The following AGAP1 variants were observed in gnomAD, a reference collection of about 807,000 sequenced individuals.
AGAP1 encodes the protein arf-GAP with GTPase, ANK repeat and PH domain-containing protein 1.
A neutral mutation model predicts 105.3 loss-of-function variants in AGAP1; 29 were observed. The ratio of observed to expected loss-of-function variants is 0.28; its 90% confidence interval spans 0.21 to 0.38. The LOEUF (loss-of-function observed/expected upper bound fraction) is 0.38. AGAP1 is among the 10% of genes least tolerant of loss of function. AGAP1 has a pLI of 1.00. For missense variants in AGAP1, 998 were observed against 1,165.1 expected (o/e 0.86, Z 2.09); for synonymous variants, 509 against 485.9 (o/e 1.05, Z -0.63).
chr2:235,786,033 A>G (rs968479235), intron 6 of AGAP1, among the ~76,000 whole-genome samples: 1 of 152,196 alleles, frequency 6.6e-6, no homozygotes, highest in African/African-American at 2.4e-5. Context: ...TGGCAGAAAC[A>G]TTTCTGCTCC....
intron 16 of AGAP1, among the ~76,000 whole-genome samples, chr2:236,093,136 C>T (rs572173335): frequency 1.3e-5 from 2 of 152,186 alleles, no homozygotes; most frequent in Non-Finnish European, 2.9e-5. Flanking sequence ...ATCTCTATCC[C>T]GCAACCAAAA....
Position 235,656,705 on chromosome 2 carries a change from C to T in AGAP1, c.164-52474C>T, listed in dbSNP as rs1244848644. ...GATAAGAACCCCTTCCCTCCCTTGT[C>T]CAAGTGTGCGCTCACCATTGCTCCA... On this transcript the variant is annotated intron_variant, in intron 1 of 17. Transcript: ENST00000304032. Among the ~76,000 whole-genome samples the T allele has an allele frequency of 4.6e-5, 7 of 152,208 alleles. No individual in the cohort carries two copies. The East Asian group carries it at 1.3e-3, about 29-fold the overall frequency.
rs983439923 is a variant in AGAP1, at chr2:235,845,608, C to T, written c.1051-37737C>T. 6.6e-6 allele frequency among the ~76,000 whole-genome samples: 1 copy of T among 151,870 alleles called. No individual in the cohort carries two copies. Among genetic ancestry groups the T allele is most frequent in the South Asian group, 2.1e-4 (1 of 4,764 alleles). On this transcript the variant is annotated intron_variant, in intron 9 of 17. Transcript: ENST00000304032. The surrounding 1 kb of genome is among the most constrained non-coding windows in gnomAD (Gnocchi z 4.8). ...TCCAGTTATTCCTTTCCTGACCCCC[C>T]CCCCGATCTGCTTTTTAATTTCTCA...
rs2125874437 is a variant in AGAP1 at position 236,092,409 on chromosome 2, T to A, written c.2115-27783T>A. Among the ~76,000 whole-genome samples, 1 of 152,294 alleles carries A rather than the reference T, an allele frequency of 6.6e-6. No individual in the cohort carries two copies. Among genetic ancestry groups the A allele is most frequent in the East Asian group, 1.9e-4 (1 of 5,182 alleles). On this transcript the variant is annotated intron_variant, in intron 16 of 17. Transcript: ENST00000304032. This position sits in a 1 kb window ranked among gnomAD's most constrained non-coding sequence, Gnocchi z 4.7. The stretch of plus-strand genomic sequence containing the variant: ...TTCTTTTTTGTTTGTTTTGTTTTGT[T>A]TGTGACAGAGTCTCGCTCTGTCACC...
chr2:236,106,033 G>A (rs1559281503), intron 16 of AGAP1, among the ~76,000 whole-genome samples: 1 of 152,170 alleles, frequency 6.6e-6, no homozygotes, highest in Non-Finnish European at 1.5e-5. Context: ...ACTTTCCGGA[G>A]CACACACACA....
intron 3 of AGAP1, among the ~76,000 whole-genome samples, chr2:235,727,477 C>G (rs1233069687): frequency 2.0e-5 from 3 of 152,216 alleles, no homozygotes; most frequent in Non-Finnish European, 2.9e-5. Flanking sequence ...AAAGCTACCT[C>G]TGGTAAGTGT....
rs752047018 is a variant in AGAP1, at chr2:236,112,083, C to T, written c.2115-8109C>T. Among the ~76,000 whole-genome samples, 60 of 152,238 alleles carry T rather than the reference C, an allele frequency of 3.9e-4. 1 individual carries two copies. Among genetic ancestry groups the T allele is most frequent in the African/African-American group, 9.6e-4 (40 of 41,544 alleles). ...CCGGTGCAGCCTGCATGTGATGATT[C>T]GCCCCCACCCTGGGTCCTTGCCACA... On this transcript the variant is annotated intron_variant, in intron 16 of 17. Transcript: ENST00000304032.
At chr2:235,544,566 C>T (rs1435258785) in intron 1 of AGAP1, among the ~76,000 whole-genome samples, 1 of 152,208 alleles carries the variant, frequency 6.6e-6, no homozygotes, top group Non-Finnish European at 1.5e-5. Flanking sequence ...GGAGCCCCTT[C>T]CTCTATTATG....
intron 13 of AGAP1, among the ~76,000 whole-genome samples, chr2:236,016,381 CTT>C (rs151088125): frequency 0.043 from 4,873 of 114,584 alleles, 94 homozygotes; most frequent in African/African-American, 0.11. Context: ...GTTGGGTTTG[CTT>C]TTTTTTTTTT....
intron 11 of AGAP1, among the ~76,000 whole-genome samples, chr2:235,922,445 A>G (rs1284976244): frequency 6.6e-6 from 1 of 152,218 alleles, no homozygotes; most frequent in African/African-American, 2.4e-5. Flanking sequence ...TACTTAACCA[A>G]TAAGTCAAAT....
chr2:235,565,046 A>G (rs1425731218), intron 1 of AGAP1, among the ~76,000 whole-genome samples: 1 of 147,208 alleles, frequency 6.8e-6, no homozygotes, highest in African/African-American at 2.6e-5. Context: ...AGCCTGGACC[A>G]CCACCCAGGG....
At chr2:235,678,131 G>A (rs1948857675) in intron 1 of AGAP1, among the ~76,000 whole-genome samples, 1 of 152,088 alleles carries the variant, frequency 6.6e-6, no homozygotes, top group Non-Finnish European at 1.5e-5. Flanking sequence ...TGCCAATGCA[G>A]CTCGTTGACA....
At chr2:235,881,123 A>G (rs2050001159) in intron 9 of AGAP1, among the ~76,000 whole-genome samples, 1 of 152,228 alleles carries the variant, frequency 6.6e-6, no homozygotes, top group African/African-American at 2.4e-5. Context: ...AACAATGTCT[A>G]ATGGTGATTG....
chr2:236,074,345 G>A (rs529889133), intron 16 of AGAP1, among the ~76,000 whole-genome samples: 101 of 152,286 alleles, frequency 6.6e-4, no homozygotes, highest in Middle Eastern at 3.4e-3. Flanking sequence ...AACTGTAAAA[G>A]CTTTAGCCAT....
intron 1 of AGAP1, among the ~76,000 whole-genome samples, chr2:235,562,349 C>T (rs1415842666): frequency 1.3e-5 from 2 of 152,106 alleles, no homozygotes; most frequent in South Asian, 4.2e-4. Context: ...TCTTTTTTTG[C>T]ACCACTTGGC....
intron 1 of AGAP1, among the ~76,000 whole-genome samples, chr2:235,583,067 G>A (rs1944986417): frequency 6.6e-6 from 1 of 152,212 alleles, no homozygotes; most frequent in African/African-American, 2.4e-5. Flanking sequence ...AACTTCATTT[G>A]TCCTTGACTC....
intron 1 of AGAP1, among the ~76,000 whole-genome samples, chr2:235,627,706 C>T (rs960452141): frequency 5.3e-5 from 8 of 152,088 alleles, no homozygotes; most frequent in South Asian, 2.1e-4. Context: ...GCCTCGTCCC[C>T]GGCTCAGCCC....
intron 1 of AGAP1, among the ~76,000 whole-genome samples, chr2:235,533,463 T>C (rs2149078385): frequency 6.6e-6 from 1 of 152,336 alleles, no homozygotes; most frequent in South Asian, 2.1e-4. Context: ...ATTACTGTTG[T>C]ATAGGAAGAA....
chr2:235,653,697 A>G (rs1446078451), intron 1 of AGAP1, among the ~76,000 whole-genome samples: 1 of 152,224 alleles, frequency 6.6e-6, no homozygotes, highest in Non-Finnish European at 1.5e-5. Context: ...CACTCAGAGC[A>G]TAAACAAAAT....
Sources: allele counts gnomAD v4.1 joint callset (sites outside exome capture counted in the v4.1 genomes callset), GRCh38; gene constraint gnomAD v4.1.1; non-coding constraint Gnocchi (gnomAD v3.1); transcripts MANE v1.5; gene names NCBI Gene and HGNC (gene_info 2026-07-23, HGNC 2026-07-21).